The following CFAP251 variants were observed in gnomAD, a reference collection of about 807,000 sequenced individuals.
CFAP251 encodes cilia and flagella associated protein 251.
Under a neutral mutation model 126.7 loss-of-function variants are expected in CFAP251, and 93 were observed. The observed-to-expected ratio is 0.73, with a 90% CI of 0.62 to 0.87. The LOEUF is 0.87. Ranked by LOEUF, CFAP251 falls within the 40% of genes least tolerant of loss-of-function variation. The probability of loss-of-function intolerance (pLI) is 0.00; values close to 1 mark genes in which losing one functional copy is unlikely to be tolerated. For missense variants in CFAP251, 1,287 were observed against 1,389.2 expected, an observed-to-expected ratio of 0.93 and a Z score of 1.17; for synonymous variants, 503 against 506.9, an observed-to-expected ratio of 0.99 and a Z score of 0.10.
rs1049064628 is a variant in CFAP251 at position 121,943,069 on chromosome 12, T to G, written c.1191+94T>G. 20 of 1,343,702 alleles carry G rather than the reference T, an allele frequency of 1.5e-5. No homozygotes were observed. In the African/African-American group the frequency reaches 2.7e-4, roughly 18 times the overall value. The allele number at this position is 1,343,702 out of a possible 1,614,324, so 83.2% of individuals were successfully genotyped here. ...TGGCTCACACCTGTAATCCCAGAAC[T>G]TTGGGAGGCTGAGGTAGGTTATCAC... On this transcript the variant is annotated intron_variant, in intron 7 of 21. Coordinates refer to ENST00000288912, the MANE Select transcript of CFAP251 (RefSeq NM_144668.6).
chr12:121,955,534 G>T (rs865798160), intron 10 of CFAP251, among the ~76,000 whole-genome samples: 1 of 152,128 alleles, frequency 6.6e-6, no homozygotes, highest in South Asian at 2.1e-4. Context: ...GCTTGGTGCA[G>T]GGGAACCCTA....
chr12:121,924,753 G>A (rs752564849), intron 3 of CFAP251, among the ~76,000 whole-genome samples: 5 of 152,072 alleles, frequency 3.3e-5, no homozygotes, highest in South Asian at 2.1e-4. Flanking sequence ...TTTAAAGTTC[G>A]GTTAAGAGCT....
chr12:121,967,573 G>A (rs1474495069), intron 16 of CFAP251, among the ~76,000 whole-genome samples: 1 of 152,134 alleles, frequency 6.6e-6, no homozygotes, highest in East Asian at 1.9e-4. Context: ...GTGGTGGTGG[G>A]CGCCTGTAGT....
Position 122,000,074 on chromosome 12 carries a change from A to G in CFAP251, c.3235+130A>G. 4 of 853,670 alleles carry G rather than the reference A, an allele frequency of 4.7e-6. No homozygotes were observed. In the South Asian group the frequency reaches 6.0e-5, roughly 13 times the overall value. The allele number at this position is 853,670 out of a possible 1,614,324, so 52.9% of individuals were successfully genotyped here. ...GAGGTGATTTGACCAGATTTGAGCC[A>G]TGAGGGGTCTGGCTGACCCACCTGC... On this transcript the variant is annotated intron_variant, in intron 20 of 21. Coordinates refer to ENST00000288912, the MANE Select transcript of CFAP251 (RefSeq NM_144668.6).
At chr12:121,941,709 T>C (rs887378168) in intron 5 of CFAP251, among the ~76,000 whole-genome samples, 1 of 152,160 alleles carries the variant, frequency 6.6e-6, no homozygotes, top group African/African-American at 2.4e-5. Context: ...GACATTTGTG[T>C]TGTTTGATTT....
Position 121,956,220 on chromosome 12 carries a change from G to A in CFAP251, c.1536-854G>A, listed in dbSNP as rs535440296. ...GTAGTGCCTTCCTGTAAAGTGGCTA[G>A]TGTCCCATTGCCAGCCTGCATGATT... On this transcript the variant is annotated intron_variant, in intron 10 of 21. Coordinates refer to ENST00000288912, the MANE Select transcript of CFAP251 (RefSeq NM_144668.6). 5.9e-5 allele frequency among the ~76,000 whole-genome samples: 9 copies of A among 152,322 alleles called. No individual in the cohort carries two copies. In the East Asian group the frequency reaches 1.5e-3, roughly 26 times the overall value.
In CFAP251 at chr12:121,958,315, A is replaced by T; in HGVS notation, c.1774A>T (p.Thr592Ser). 6.2e-7 allele frequency: 1 copy of T among 1,614,210 alleles called. No individual in the cohort carries two copies. Among genetic ancestry groups the T allele is most frequent in the African/African-American group, 1.3e-5 (1 of 75,054 alleles). ...GTSDAAVYHL[T>S]TDGTKLEKLF... ...ATCTGATGCCGCGGTGTACCACTTA[A>T]CAACAGATGGGACCAAACTTGAGAA... is the stretch of plus-strand genomic sequence containing the variant. Residue 592 changes from threonine to serine, a missense_variant, in exon 12 of 22, where the codon ACA (threonine) becomes TCA (serine). Thr to Ser is a moderately conservative substitution (Grantham distance 58). Coordinates refer to ENST00000288912, the MANE Select transcript of CFAP251 (RefSeq NM_144668.6).
chr12:122,000,310 G>A (rs535029784), intron 20 of CFAP251, among the ~76,000 whole-genome samples: 29 of 152,166 alleles, frequency 1.9e-4, no homozygotes, highest in South Asian at 8.3e-4. Context: ...CCAGCACTTT[G>A]GGAGGCCGAG....
At chr12:121,959,120 C>A in intron 13 of CFAP251, 26 bp downstream of exon 13, 1 of 1,555,278 alleles carries the variant, frequency 6.4e-7, no homozygotes, top group Non-Finnish European at 8.7e-7. Flanking sequence ...GACAACCCAT[C>A]CAGTGGCTTA....
At chr12:121,983,221 G>A (rs1018475285) in intron 19 of CFAP251, among the ~76,000 whole-genome samples, 4 of 151,928 alleles carry the variant, frequency 2.6e-5, no homozygotes, top group Non-Finnish European at 4.4e-5. Context: ...GGACAGCAGA[G>A]TGAGGCCCTG....
In CFAP251 at chr12:121,918,934, C is replaced by T. The variant is rs989303645; in HGVS notation, c.-21+239C>T. Among the ~76,000 whole-genome samples the T allele has an allele frequency of 6.6e-6, 1 of 152,116 alleles. No individual in the cohort carries two copies. The highest frequency in any genetic ancestry group is 2.4e-5 in the African/African-American group (1 of 41,434). The stretch of plus-strand genomic sequence containing the variant: ...CCCCTGCGGCTCGAACCCGGCTGTC[C>T]AGACGCGCCGGCGAAGTTGGGCTCA... On this transcript the variant is annotated intron_variant, in intron 1 of 21. Transcript: ENST00000288912. The surrounding 1 kb of genome is among the most constrained non-coding windows in gnomAD (Gnocchi z 4.3).
chr12:121,939,463 GTC>G (rs1221949064), intron 5 of CFAP251, among the ~76,000 whole-genome samples: 1 of 152,164 alleles, frequency 6.6e-6, no homozygotes, highest in African/African-American at 2.4e-5. Context: ...CTTCAGGTGT[GTC>G]TCATCTCTGA....
chr12:121,938,786 C>G (rs1441264967), intron 5 of CFAP251, among the ~76,000 whole-genome samples: 1 of 150,968 alleles, frequency 6.6e-6, no homozygotes, highest in Non-Finnish European at 1.5e-5. Context: ...CATTCGAGAC[C>G]AGCCTGGCCA....
At chr12:121,938,783 G>C (rs868791151) in intron 5 of CFAP251, among the ~76,000 whole-genome samples, 52 of 150,038 alleles carry the variant, frequency 3.5e-4, no homozygotes, top group African/African-American at 1.2e-3. Context: ...AGGCATTCGA[G>C]ACCAGCCTGG....
intron 19 of CFAP251, among the ~76,000 whole-genome samples, chr12:121,988,776 C>G (rs1201012227): frequency 4.0e-5 from 6 of 149,196 alleles, no homozygotes; most frequent in Non-Finnish European, 8.9e-5. Flanking sequence ...TGAAATCTCC[C>G]TCTGGCTGGA....
At chr12:121,949,905 A>C (rs1220262266) in intron 8 of CFAP251, 4 of 152,204 alleles carry the variant, frequency 2.6e-5, no homozygotes, top group African/African-American at 9.7e-5. Flanking sequence ...AACAAAACAA[A>C]ACACAACAAA....
At chr12:121,996,880 GC>G (rs1163789645) in intron 19 of CFAP251, 1 of 152,168 alleles carries the variant, frequency 6.6e-6, no homozygotes. Context: ...GCCTGGTGCA[GC>G]CCCACTGGAG....
At chr12:121,921,821 A>G (rs1013754469) in intron 2 of CFAP251, 138 bp downstream of exon 2, 15 of 933,922 alleles carry the variant, frequency 1.6e-5, no homozygotes, top group Non-Finnish European at 2.3e-5. Context: ...ACAGAGTCTC[A>G]CTGTTGCCCA....
rs1396818698 is a variant in CFAP251 at position 121,931,739 on chromosome 12, C to G, written c.748-7C>G. On this transcript the variant is annotated splice_region_variant and splice_polypyrimidine_tract_variant and intron_variant, in intron 3 of 21. Transcript: ENST00000288912. ...AATGTCTTGCTGGCTTTGCCCTTGTCTTCCAGACCATGACCTGGTCGTTTG... is the reference window on the plus strand; with the variant it reads ...AATGTCTTGCTGGCTTTGCCCTTGTGTTCCAGACCATGACCTGGTCGTTTG... 6.4e-7 allele frequency: 1 copy of G among 1,555,708 alleles called. No homozygotes were observed. The highest frequency in any genetic ancestry group is 1.4e-5 in the African/African-American group (1 of 72,128).
Sources: allele counts gnomAD v4.1 joint callset (sites outside exome capture counted in the v4.1 genomes callset), GRCh38; gene constraint gnomAD v4.1.1; non-coding constraint Gnocchi (gnomAD v3.1); transcripts MANE v1.5; gene names NCBI Gene and HGNC (gene_info 2026-07-23, HGNC 2026-07-21).